STXBP5L: variants seen among roughly 807,000 people sequenced by gnomAD.
STXBP5L encodes the protein syntaxin binding protein 5L, also known as syntaxin-binding protein 5-like.
A neutral mutation model predicts 144.5 loss-of-function variants in STXBP5L; 65 were observed. That is an observed-to-expected ratio of 0.45 (90% CI 0.37 to 0.55). The LOEUF is 0.55. Among genes scored for constraint, STXBP5L ranks in the 20% least tolerant of loss-of-function variants. The pLI, the probability that STXBP5L is intolerant of heterozygous loss-of-function variation, is 0.00. For synonymous variants in STXBP5L, 505 were observed against 469.6 expected (o/e 1.08, Z -0.97); for missense variants, 1,298 against 1,405.5 (o/e 0.92, Z 1.22).
intron 3 of STXBP5L, among the ~76,000 whole-genome samples, chr3:121,039,013 G>A (rs1209982228): frequency 2.0e-5 from 3 of 151,780 alleles, no homozygotes; most frequent in Non-Finnish European, 4.4e-5. Flanking sequence ...GGAGGTTTCT[G>A]TACAAAGCAT....
chr3:121,242,543 A>G (rs73191448), intron 14 of STXBP5L, among the ~76,000 whole-genome samples: 22,068 of 152,142 alleles, frequency 0.15, 1,770 homozygotes, highest in Non-Finnish European at 0.19. Flanking sequence ...CTGACACGTC[A>G]AAATGGAAGC....
chr3:121,146,366 A>G (rs1168811917), intron 7 of STXBP5L, among the ~76,000 whole-genome samples: 2 of 152,048 alleles, frequency 1.3e-5, no homozygotes, highest in African/African-American at 4.8e-5. Context: ...TAATAAATGT[A>G]TGTATAATGG....
intron 5 of STXBP5L, among the ~76,000 whole-genome samples, chr3:121,074,731 G>A (rs564335039): frequency 6.6e-6 from 1 of 152,258 alleles, no homozygotes; most frequent in African/African-American, 2.4e-5. Context: ...TCATTATCAT[G>A]CCTTTTCTTT....
At chr3:121,302,484 C>A (rs898998796) in intron 19 of STXBP5L, among the ~76,000 whole-genome samples, 77 of 152,062 alleles carry the variant, frequency 5.1e-4, no homozygotes, top group African/African-American at 1.6e-3. Context: ...TTGATCTTTT[C>A]CAAAAACCAG....
chr3:121,304,825 A>G (rs1345369541), intron 19 of STXBP5L, among the ~76,000 whole-genome samples: 31 of 152,060 alleles, frequency 2.0e-4, no homozygotes, highest in Admixed American at 2.0e-3. Flanking sequence ...AGCAATGTAA[A>G]CCACCCAATG....
At chr3:121,031,706 G>A (rs750439711) in intron 3 of STXBP5L, among the ~76,000 whole-genome samples, 1 of 152,012 alleles carries the variant, frequency 6.6e-6, no homozygotes. Context: ...ACTGGTATTT[G>A]GTCAAAAACT....
At chr3:120,953,044 C>T (rs1051306748) in intron 2 of STXBP5L, among the ~76,000 whole-genome samples, 13 of 149,924 alleles carry the variant, frequency 8.7e-5, no homozygotes, top group African/African-American at 3.2e-4. Flanking sequence ...AAGTGATCCA[C>T]CTGCCTTGAC....
At chr3:121,051,073 A>G (rs1193441886) in intron 5 of STXBP5L, among the ~76,000 whole-genome samples, 4 of 152,362 alleles carry the variant, frequency 2.6e-5, no homozygotes, top group African/African-American at 9.6e-5. Context: ...AGGAGCACCC[A>G]GATTCATAAA....
chr3:121,313,823 G>T (rs1471897323), intron 19 of STXBP5L, among the ~76,000 whole-genome samples: 1 of 144,070 alleles, frequency 6.9e-6, no homozygotes, highest in Non-Finnish European at 1.5e-5. Flanking sequence ...GGACGGAGGG[G>T]CTCCTCACTT....
chr3:121,311,297 C>T (rs928029925), intron 19 of STXBP5L, among the ~76,000 whole-genome samples: 1 of 152,140 alleles, frequency 6.6e-6, no homozygotes, highest in East Asian at 1.9e-4. Context: ...CCTGTCATTA[C>T]CATAGTGGAA....
At chr3:121,381,196 C>A in intron 21 of STXBP5L, 97 bp from the exon 22 acceptor site, 1 of 1,234,110 alleles carries the variant, frequency 8.1e-7, no homozygotes, top group Non-Finnish European at 1.1e-6. Context: ...TGAAATTTTA[C>A]TTCCTCCTCA....
intron 9 of STXBP5L, among the ~76,000 whole-genome samples, chr3:121,181,211 A>G (rs1039080860): frequency 6.6e-6 from 1 of 151,918 alleles, no homozygotes; most frequent in African/African-American, 2.4e-5. Context: ...ACGTCTCAGT[A>G]CTAACATTGA....
intron 7 of STXBP5L, among the ~76,000 whole-genome samples, chr3:121,128,652 C>T (rs1419785390): frequency 6.6e-6 from 1 of 151,898 alleles, no homozygotes; most frequent in Non-Finnish European, 1.5e-5. Flanking sequence ...TAATAAGCAG[C>T]AAGGCTGGAG....
At chr3:120,977,868 T>C (rs1941263441) in intron 3 of STXBP5L, among the ~76,000 whole-genome samples, 1 of 152,240 alleles carries the variant, frequency 6.6e-6, no homozygotes, top group Admixed American at 6.5e-5. Context: ...TGTTGAATAT[T>C]GGCCCCCACT....
chr3:121,232,452 G>T (rs542920257), intron 11 of STXBP5L, among the ~76,000 whole-genome samples: 62 of 152,200 alleles, frequency 4.1e-4, no homozygotes, highest in African/African-American at 1.5e-3. Flanking sequence ...TCTTTTTGCT[G>T]CAAAAATGAA....
intron 18 of STXBP5L, among the ~76,000 whole-genome samples, chr3:121,275,934 T>C (rs952520963): frequency 6.6e-6 from 1 of 152,082 alleles, no homozygotes; most frequent in Non-Finnish European, 1.5e-5. Context: ...TATAGTTGGG[T>C]CTTACTTTTT....
At position 121,090,571 on chromosome 3, in the gene STXBP5L, G is replaced by A. The variant is rs1390806102; in HGVS notation, c.471-24354G>A. 6.6e-5 allele frequency among the ~76,000 whole-genome samples: 10 copies of A among 152,212 alleles called. No individual in the cohort carries two copies. In the East Asian group the frequency reaches 1.9e-3, roughly 29 times the overall value. ...CTTTTGCTCCTGTGGAACAGAAAGG[G>A]AATGAGTTTAGTTAATTATGATTAA... is the stretch of plus-strand genomic sequence containing the variant. On this transcript the variant is annotated intron_variant, in intron 5 of 26. Transcript: ENST00000471454.
intron 20 of STXBP5L, among the ~76,000 whole-genome samples, chr3:121,320,964 G>T (rs1470026974): frequency 1.3e-5 from 2 of 152,148 alleles, no homozygotes; most frequent in African/African-American, 4.8e-5. Context: ...CTCCCAAAGT[G>T]CTGGGATTAC....
chr3:121,076,352 G>A (rs567010560), intron 5 of STXBP5L, among the ~76,000 whole-genome samples: 4 of 152,144 alleles, frequency 2.6e-5, no homozygotes, highest in East Asian at 1.9e-4. Context: ...TGGTGCATAG[G>A]GGGGTGGACT....
Sources: gnomAD v4.1 joint callset for allele counts (sites outside exome capture counted in the v4.1 genomes callset) on GRCh38, gnomAD v4.1.1 for gene constraint, MANE v1.5 for transcripts, NCBI Gene and HGNC (gene_info 2026-07-23, HGNC 2026-07-21) for gene names.